Variants in LRP1B observed in about 807,000 individuals in gnomAD.
LRP1B encodes the protein low-density lipoprotein receptor-related protein 1B.
Under a neutral mutation model 556.6 loss-of-function variants are expected in LRP1B, and 217 were observed. The observed-to-expected ratio is 0.39, with a 90% CI of 0.35 to 0.44. The LOEUF (loss-of-function observed/expected upper bound fraction) is 0.44. LRP1B is among the 20% of genes least tolerant of loss of function. The pLI is 1.00. For missense variants in LRP1B, 5,053 were observed against 5,620.8 expected (o/e 0.90, Z 3.23); for synonymous variants, 2,047 against 1,865.8 (o/e 1.10, Z -2.50).
chr2:140,841,580 A>T (rs920095714), intron 29 of LRP1B, among the ~76,000 whole-genome samples: 2 of 152,220 alleles, frequency 1.3e-5, no homozygotes, highest in Admixed American at 1.3e-4. Flanking sequence ...ATATATTTCA[A>T]AATAGATAAT....
chr2:140,320,903 A>AC (rs1680081276), intron 82 of LRP1B, among the ~76,000 whole-genome samples: 12 of 151,848 alleles, frequency 7.9e-5, no homozygotes, highest in African/African-American at 2.9e-4. Context: ...ACACACACAC[A>AC]AAATTATCCA....
At chr2:141,839,957 AAAAAT>A in intron 1 of LRP1B, among the ~76,000 whole-genome samples, 1 of 152,312 alleles carries the variant, frequency 6.6e-6, no homozygotes, top group South Asian at 2.1e-4. Context: ...TTTGTTAAAG[AAAAAT>A]AAAATAAAAT....
chr2:140,516,291 A>C (rs562303453), intron 50 of LRP1B, among the ~76,000 whole-genome samples: 1 of 152,184 alleles, frequency 6.6e-6, no homozygotes, highest in South Asian at 2.1e-4. Context: ...TACAAGAATA[A>C]AATATAATAC....
intron 2 of LRP1B, among the ~76,000 whole-genome samples, chr2:141,664,305 G>C (rs1373136949): frequency 2.0e-5 from 3 of 152,158 alleles, no homozygotes; most frequent in African/African-American, 7.2e-5. Context: ...CAGAACACAA[G>C]GATGCCCTCT....
At position 140,358,070 on chromosome 2, in the gene LRP1B, A is replaced by G; in HGVS notation, c.11304T>C (p.Ala3768=). 6.2e-7 allele frequency: 1 copy of G among 1,611,482 alleles called. No individual in the cohort carries two copies. Among genetic ancestry groups the G allele is most frequent in the Non-Finnish European group, 8.5e-7 (1 of 1,178,328 alleles). Residue 3768 remains alanine, a synonymous_variant, in exon 74 of 91, where the codon GCT becomes GCC. Coordinates refer to ENST00000389484, the MANE Select transcript of LRP1B (RefSeq NM_018557.3). ...TAGGGATGCATTTTTTATTACTACA[A>G]GCAAACTCATCCTTTTTACAAGGCC... ...KARPCKKDEF[A]CSNKKCIPMD...
intron 86 of LRP1B, among the ~76,000 whole-genome samples, chr2:140,259,489 C>A (rs1316500718): frequency 6.6e-6 from 1 of 151,976 alleles, no homozygotes; most frequent in East Asian, 1.9e-4. Flanking sequence ...TAAAATAAAT[C>A]ATTTTTCTAT....
At chr2:141,508,954 T>A (rs895996279) in intron 2 of LRP1B, among the ~76,000 whole-genome samples, 2 of 152,116 alleles carry the variant, frequency 1.3e-5, no homozygotes, top group African/African-American at 4.8e-5. Context: ...CCCCTGAGAT[T>A]CCAATTTGCA....
intron 18 of LRP1B, among the ~76,000 whole-genome samples, chr2:140,953,272 G>A (rs1422376078): frequency 1.3e-5 from 2 of 152,042 alleles, no homozygotes; most frequent in Non-Finnish European, 2.9e-5. Flanking sequence ...TGTATTTTTA[G>A]TAGAGACGGT....
intron 2 of LRP1B, among the ~76,000 whole-genome samples, chr2:141,675,982 A>G (rs969753861): frequency 8.5e-5 from 13 of 152,098 alleles, no homozygotes; most frequent in African/African-American, 2.9e-4. Flanking sequence ...TTTGAAGTTT[A>G]CACCCACATC....
chr2:141,971,938 C>T (rs1026111604), intron 1 of LRP1B, among the ~76,000 whole-genome samples: 1 of 151,442 alleles, frequency 6.6e-6, no homozygotes, highest in Non-Finnish European at 1.5e-5. Context: ...GTGCTATTCT[C>T]TCTGTGTAAA....
At chr2:140,382,782 A>G (rs1683577075) in intron 67 of LRP1B, among the ~76,000 whole-genome samples, 1 of 152,152 alleles carries the variant, frequency 6.6e-6, no homozygotes, top group African/African-American at 2.4e-5. Flanking sequence ...AGAAGTCCAA[A>G]AGTGACTTTA....
intron 41 of LRP1B, among the ~76,000 whole-genome samples, chr2:140,667,595 C>A (rs1559042987): frequency 6.6e-6 from 1 of 152,168 alleles, no homozygotes; most frequent in African/African-American, 2.4e-5. Context: ...ACTCCATGAC[C>A]TTTGTTTGAA....
chr2:141,076,663 C>T (rs756776736), intron 7 of LRP1B, among the ~76,000 whole-genome samples: 1 of 152,122 alleles, frequency 6.6e-6, no homozygotes. Flanking sequence ...TGAATAATAG[C>T]AAAATATTAG....
chr2:140,601,208 T>G (rs1682658042), intron 42 of LRP1B, among the ~76,000 whole-genome samples: 1 of 152,040 alleles, frequency 6.6e-6, no homozygotes, highest in South Asian at 2.1e-4. Context: ...GTCTCTAGTT[T>G]GCCTTTAATT....
intron 57 of LRP1B, among the ~76,000 whole-genome samples, chr2:140,491,940 C>T (rs933916737): frequency 1.3e-5 from 2 of 152,120 alleles, no homozygotes; most frequent in African/African-American, 4.8e-5. Context: ...AGTCTGAAAA[C>T]ACTGGTGAAC....
chr2:140,919,984 A>G (rs961106055), intron 21 of LRP1B, among the ~76,000 whole-genome samples: 1 of 152,096 alleles, frequency 6.6e-6, no homozygotes, highest in East Asian at 1.9e-4. Context: ...TTGTGCATAT[A>G]TAACCTTATA....
intron 7 of LRP1B, among the ~76,000 whole-genome samples, chr2:141,090,921 T>C (rs1409737097): frequency 6.6e-6 from 1 of 152,172 alleles, no homozygotes; most frequent in Non-Finnish European, 1.5e-5. Context: ...AGATGAAATG[T>C]AGGAAGAAAT....
chr2:141,847,521 T>A (rs1175616249), intron 1 of LRP1B, among the ~76,000 whole-genome samples: 3 of 151,546 alleles, frequency 2.0e-5, no homozygotes, highest in Non-Finnish European at 4.4e-5. Context: ...ATTGATTATT[T>A]TTTTCCTAAC....
intron 1 of LRP1B, among the ~76,000 whole-genome samples, chr2:142,031,582 T>C (rs566584246): frequency 4.0e-5 from 6 of 148,262 alleles, no homozygotes; most frequent in Admixed American, 2.7e-4. Flanking sequence ...TCTTAATGTA[T>C]TGAAGAGAAA....
Sources: allele counts gnomAD v4.1 joint callset (sites outside exome capture counted in the v4.1 genomes callset), GRCh38; gene constraint gnomAD v4.1.1; transcripts MANE v1.5; gene names NCBI Gene and HGNC (gene_info 2026-07-23, HGNC 2026-07-21).